Variants in NEFL observed in about 807,000 individuals in gnomAD.
NEFL encodes neurofilament light polypeptide.
In NEFL, 36 loss-of-function variants were observed where a neutral mutation model predicts 51.6. That is an observed-to-expected ratio of 0.70 (90% CI 0.53 to 0.92). The LOEUF (loss-of-function observed/expected upper bound fraction) is 0.92. NEFL is among the 40% of genes least tolerant of loss of function. The pLI is 0.00. For missense variants in NEFL, 671 were observed against 722.0 expected, an observed-to-expected ratio of 0.93 and a Z score of 0.81; for synonymous variants, 332 against 302.5, an observed-to-expected ratio of 1.10 and a Z score of -1.01.
In NEFL at chr8:24,951,420, G is replaced by A. The variant is rs1012901963; in HGVS notation, c.*1390C>T. On this transcript the variant is annotated 3_prime_UTR_variant, in exon 4 of 4. Coordinates refer to ENST00000610854, the MANE Select transcript of NEFL (RefSeq NM_006158.5). The stretch of plus-strand genomic sequence containing the variant: ...ATTGTTTCAGAACAAAGGCAGAATA[G>A]CAGATAGTAATATCATCTATATTTA... The A allele has an allele frequency of 6.6e-6, 1 of 152,162 alleles. No homozygotes were observed. Among genetic ancestry groups the A allele is most frequent in the African/African-American group, 2.4e-5 (1 of 41,428 alleles). The allele number at this position is 152,162 out of a possible 1,614,324, so 9.4% of individuals were successfully genotyped here. A position where few individuals can be genotyped will look rare whatever the true frequency, so the allele number is the denominator to read the frequency against.
Position 24,952,730 on chromosome 8 carries a change from C to G in NEFL, c.*80G>C. ...TTTTTAATTCACATAGAATCTGGAA[C>G]TCAACTGGTTGGTTGGTTGGTGATG... On this transcript the variant is annotated 3_prime_UTR_variant, in exon 4 of 4. Coordinates refer to ENST00000610854, the MANE Select transcript of NEFL (RefSeq NM_006158.5). 1 of 1,603,922 alleles carries G rather than the reference C, an allele frequency of 6.2e-7. No individual in the cohort carries two copies. Among genetic ancestry groups the G allele is most frequent in the Non-Finnish European group, 8.5e-7 (1 of 1,174,720 alleles).
Position 24,954,214 on chromosome 8 carries a change from T to C in NEFL, c.1136A>G (p.Lys379Arg). The C allele has an allele frequency of 6.2e-7, 1 of 1,613,992 alleles. No homozygotes were observed. Among genetic ancestry groups the C allele is most frequent in the Non-Finnish European group, 8.5e-7 (1 of 1,179,880 alleles). ...LKEYQDLLNV[K>R]MALDIEIAAY... ...TGCAATCTCAATATCCAAAGCCATC[T>C]TCACGTTGAGGAGGTCTTGGTATTC... Residue 379 changes from lysine to arginine, a missense_variant, in exon 2 of 4, where the codon AAG becomes AGG. By Grantham distance (26) the Lys-to-Arg change is conservative. Coordinates refer to ENST00000610854, the MANE Select transcript of NEFL (RefSeq NM_006158.5).
chr8:24,953,538 G>C lies in NEFL; in HGVS notation c.1427C>G (p.Ala476Gly). Residue 476 changes from alanine (A) to glycine (G), a missense_variant, in exon 3 of 4, where the codon GCC becomes GGC. Physicochemically the swap from Ala to Gly is moderately conservative, Grantham distance 60. Transcript: ENST00000610854. Reference sequence around the variant, plus strand: ...TTCCTTGTCCTTCTCCTCCTCCTCGGCTTCTCCTTCAGAGGGGGGCTCATC... The same window carrying C: ...TTCCTTGTCCTTCTCCTCCTCCTCGCCTTCTCCTTCAGAGGGGGGCTCATC... ...AKDEPPSEGE[A>G]EEEEKDKEEA... The C allele has an allele frequency of 6.2e-7, 1 of 1,612,784 alleles. No homozygotes were observed. Among genetic ancestry groups the C allele is most frequent in the South Asian group, 1.1e-5 (1 of 90,918 alleles).
chr8:24,954,340 C>G, intron 1 of NEFL, 35 bp from the exon 2 acceptor site: 1 of 1,603,096 alleles, frequency 6.2e-7, no homozygotes, highest in Non-Finnish European at 8.5e-7. Flanking sequence ...AAAAAAAAAT[C>G]CGAGCATAAA....
intron 3 of NEFL, 58 bp from the exon 4 acceptor site, chr8:24,953,010 A>G: frequency 6.5e-7 from 1 of 1,532,176 alleles, no homozygotes; most frequent in South Asian, 1.3e-5. Context: ...CAGTCAAAAC[A>G]TGTCTGCAAA....
At position 24,952,485 on chromosome 8, in the gene NEFL, C is replaced by A; in HGVS notation, c.*325G>T. Reference sequence around the variant, plus strand: ...ATTTTTCCATGAAGTTTAACATTAACATTAGTGAATTCATTTACTCATGTG... The same window carrying A: ...ATTTTTCCATGAAGTTTAACATTAAAATTAGTGAATTCATTTACTCATGTG... On this transcript the variant is annotated 3_prime_UTR_variant, in exon 4 of 4. Coordinates refer to ENST00000610854, the MANE Select transcript of NEFL (RefSeq NM_006158.5). 1 of 247,470 alleles carries A rather than the reference C, an allele frequency of 4.0e-6. No individual in the cohort carries two copies. The highest frequency in any genetic ancestry group is 7.7e-6 in the Non-Finnish European group (1 of 129,962). 15.3% of individuals were successfully genotyped at this position (247,470 alleles called of 1,614,324 possible).
Position 24,954,166 on chromosome 8 carries a change from C to G in NEFL, c.1169+15G>C. On this transcript the variant is annotated intron_variant, in intron 2 of 3. Coordinates refer to ENST00000610854, the MANE Select transcript of NEFL (RefSeq NM_006158.5). ...TAAGGTTTAATGGCTGCTGTCTTTGCCCCTCTATTTTCACCTGTAAGCTGC... is the reference window on the plus strand; with the variant it reads ...TAAGGTTTAATGGCTGCTGTCTTTGGCCCTCTATTTTCACCTGTAAGCTGC... 1 of 1,613,600 alleles carries G rather than the reference C, an allele frequency of 6.2e-7. No homozygotes were observed. The highest frequency in any genetic ancestry group is 8.5e-7 in the Non-Finnish European group (1 of 1,179,784).
Position 24,955,816 on chromosome 8 carries a change from G to T in NEFL, c.700C>A (p.Leu234Met). Residue 234 changes from leucine (L) to methionine (M), a missense_variant, in exon 1 of 4, where the codon CTG becomes ATG. Physicochemically the swap from Leu to Met is conservative, Grantham distance 15. Transcript: ENST00000610854. This position sits in a 1 kb window ranked among gnomAD's most constrained non-coding sequence, Gnocchi z 4.0. ...KKVHEEEIAE[L>M]QAQIQYAQIS... The stretch of plus-strand genomic sequence containing the variant: ...TGCGCGTACTGGATCTGCGCCTGCA[G>T]TTCGGCGATCTCCTCTTCGTGCACT... The T allele has an allele frequency of 6.2e-7, 1 of 1,612,110 alleles. No homozygotes were observed. Among genetic ancestry groups the T allele is most frequent in the Non-Finnish European group, 8.5e-7 (1 of 1,179,882 alleles).
intron 1 of NEFL, among the ~76,000 whole-genome samples, chr8:24,954,520 C>T (rs1014097493): frequency 2.0e-5 from 3 of 152,006 alleles, no homozygotes; most frequent in South Asian, 2.1e-4. Flanking sequence ...AAAAGATGGA[C>T]GAAAATTCTG....
At position 24,952,790 on chromosome 8, in the gene NEFL, AT is replaced by A; in HGVS notation, c.*19del. On this transcript the variant is annotated 3_prime_UTR_variant, in exon 4 of 4. Coordinates refer to ENST00000610854, the MANE Select transcript of NEFL (RefSeq NM_006158.5). ...TGATTTCGGGAGAATTATTCCTGAA[AT>A]AATTAAGGAAATGGGGGTTCAATCT... 1 of 1,613,920 alleles carries A rather than the reference AT, an allele frequency of 6.2e-7. No homozygotes were observed. The highest frequency in any genetic ancestry group is 8.5e-7 in the Non-Finnish European group (1 of 1,179,886).
In NEFL at chr8:24,955,080, G is replaced by C. The variant is rs998549410; in HGVS notation, c.1044+392C>G. ...TCACAGTAATCCTTCAGAATTAATT[G>C]AGAGTTGTTCACTCTACTATTTATT... On this transcript the variant is annotated intron_variant, in intron 1 of 3. Coordinates refer to ENST00000610854, the MANE Select transcript of NEFL (RefSeq NM_006158.5). The surrounding 1 kb of genome is among the most constrained non-coding windows in gnomAD (Gnocchi z 4.0). 2 of 202,494 alleles carry C rather than the reference G, an allele frequency of 9.9e-6. No individual in the cohort carries two copies. The highest frequency in any genetic ancestry group is 2.0e-5 in the Non-Finnish European group (2 of 99,364). The allele number at this position is 202,494 out of a possible 1,614,324, so 12.5% of individuals were successfully genotyped here. A position where few individuals can be genotyped will look rare whatever the true frequency, so the allele number is the denominator to read the frequency against.
In NEFL at chr8:24,956,202, A is replaced by G. The variant is rs1172595349; in HGVS notation, c.314T>C (p.Ile105Thr). 6.2e-7 allele frequency: 1 copy of G among 1,611,000 alleles called. No individual in the cohort carries two copies. The change falls in exon 1 of 4, where the codon ATC becomes ACC. Residue 105 changes from isoleucine (I) to threonine (T), a missense_variant. Transcript: ENST00000610854. The surrounding 1 kb of genome is among the most constrained non-coding windows in gnomAD (Gnocchi z 5.9). ...CTGCTCCAGCTCGTGCACGCGCTCGATGAAGCTGGCGAAGCGGTCATTGAG... is the reference window on the plus strand; with the variant it reads ...CTGCTCCAGCTCGTGCACGCGCTCGGTGAAGCTGGCGAAGCGGTCATTGAG... Reference protein sequence around the residue: ...QDLNDRFASFIERVHELEQQN... With the variant: ...QDLNDRFASFTERVHELEQQN...
rs774761874 is a variant in NEFL, at chr8:24,953,638, A to T, written c.1327T>A (p.Tyr443Asn). 2.1e-5 allele frequency: 34 copies of T among 1,613,806 alleles called. No homozygotes were observed. In the East Asian group the frequency reaches 7.6e-4, roughly 36 times the overall value. Reference sequence around the variant, plus strand: ...TGCTCCTCTTGGACATGGCTGGTGTAGTAGGACGGGAAGGAGCGGGTGGAC... The same window carrying T: ...TGCTCCTCTTGGACATGGCTGGTGTTGTAGGACGGGAAGGAGCGGGTGGAC... ...LMSTRSFPSY[Y>N]TSHVQEEQIE... is the part of the protein sequence containing the mutation. Residue 443 changes from tyrosine to asparagine, a missense_variant, in exon 3 of 4, where the codon TAC (tyrosine) becomes AAC (asparagine). Transcript: ENST00000610854.
chr8:24,951,243 C>T lies in NEFL; in HGVS notation c.*1567G>A, dbSNP rs1802963509. On this transcript the variant is annotated 3_prime_UTR_variant, in exon 4 of 4. Coordinates refer to ENST00000610854, the MANE Select transcript of NEFL (RefSeq NM_006158.5). ...CCATCATGGCAAGGAAGCACTTTAC[C>T]TATTTGCATAGCAACATATATTTAA... 1.3e-5 allele frequency: 2 copies of T among 152,292 alleles called. No individual in the cohort carries two copies. The highest frequency in any genetic ancestry group is 1.9e-4 in the East Asian group (1 of 5,178). 9.4% of individuals were successfully genotyped at this position (152,292 alleles called of 1,614,324 possible).
rs1563251872 is a variant in NEFL at position 24,955,698 on chromosome 8, A to G, written c.818T>C (p.Met273Thr). The G allele has an allele frequency of 6.2e-7, 1 of 1,613,616 alleles. No individual in the cohort carries two copies. The highest frequency in any genetic ancestry group is 8.5e-7 in the Non-Finnish European group (1 of 1,179,814). ...AQYEKLAAKN[M>T]QNAEEWFKSR... Reference sequence around the variant, plus strand: ...CTTGAACCATTCCTCAGCGTTCTGCATGTTCTTGGCGGCCAGCTTCTCGTA... The same window carrying G: ...CTTGAACCATTCCTCAGCGTTCTGCGTGTTCTTGGCGGCCAGCTTCTCGTA... The change falls in exon 1 of 4, where the codon ATG becomes ACG. Residue 273 changes from methionine to threonine, a missense_variant. Physicochemically the swap from Met to Thr is moderately conservative, Grantham distance 81. Transcript: ENST00000610854. The surrounding 1 kb of genome is among the most constrained non-coding windows in gnomAD (Gnocchi z 4.0).
Position 24,951,427 on chromosome 8 carries a change from G to A in NEFL, c.*1383C>T, listed in dbSNP as rs1172304666. 2.0e-5 allele frequency: 3 copies of A among 152,212 alleles called. No homozygotes were observed. Among genetic ancestry groups the A allele is most frequent in the Non-Finnish European group, 4.4e-5 (3 of 68,032 alleles). The allele number at this position is 152,212 out of a possible 1,614,324, so 9.4% of individuals were successfully genotyped here. On this transcript the variant is annotated 3_prime_UTR_variant, in exon 4 of 4. Transcript: ENST00000610854. ...CAGAACAAAGGCAGAATAGCAGATA[G>A]TAATATCATCTATATTTATTCCACA...
In NEFL at chr8:24,952,930, T is replaced by A. The variant is rs2117250817; in HGVS notation, c.1512A>T (p.Glu504Asp). 2 of 1,612,140 alleles carry A rather than the reference T, an allele frequency of 1.2e-6. No individual in the cohort carries two copies. Among genetic ancestry groups the A allele is most frequent in the Non-Finnish European group, 1.7e-6 (2 of 1,179,158 alleles). ...EEEAAKEESE[E>D]AKEEEEGGEG... ...CACCTCCTTCTTCTTCTTCTTTTGC[T>A]TCTTCAGACTCTTCCTTGGCAGCTT... The change falls in exon 4 of 4, where the codon GAA becomes GAT. Residue 504 changes from glutamate (E) to aspartate (D), a missense_variant. Physicochemically the swap from Glu to Asp is conservative, Grantham distance 45 (BLOSUM62 2). Transcript: ENST00000610854.
At position 24,955,996 on chromosome 8, in the gene NEFL, G is replaced by C. The variant is rs1180143355; in HGVS notation, c.520C>G (p.Leu174Val). ...REGLEETLRN[L>V]QARYEEEVLS... ...ACCTCCTCTTCATAGCGCGCCTGCA[G>C]GTTGCGCAGGGTCTCCTCCAGCCCT... Residue 174 changes from leucine to valine, a missense_variant, in exon 1 of 4, where the codon CTG (leucine) becomes GTG (valine). Leu to Val is a conservative substitution (Grantham distance 32). Transcript: ENST00000610854. This position sits in a 1 kb window ranked among gnomAD's most constrained non-coding sequence, Gnocchi z 4.0. 22 of 1,604,088 alleles carry C rather than the reference G, an allele frequency of 1.4e-5. No homozygotes were observed. The highest frequency in any genetic ancestry group is 1.9e-5 in the Non-Finnish European group (22 of 1,179,154).
rs754798834 is a variant in NEFL at position 24,953,688 on chromosome 8, C to G, written c.1277G>C (p.Gly426Ala). 5 of 1,614,000 alleles carry G rather than the reference C, an allele frequency of 3.1e-6. No individual in the cohort carries two copies. In the South Asian group the frequency reaches 5.5e-5, roughly 18 times the overall value. Residue 426 changes from glycine to alanine, a missense_variant, in exon 3 of 4, where the codon GGT becomes GCT. Transcript: ENST00000610854. ...CATCAGATAGGAGCTGGTCTGTAAA[C>G]CGCCGTAGGCAGATCGGCCAAAGAC... ...SQVFGRSAYG[G>A]LQTSSYLMST...
Sources: gnomAD v4.1 joint callset for allele counts (sites outside exome capture counted in the v4.1 genomes callset) on GRCh38, gnomAD v4.1.1 for gene constraint, Gnocchi (gnomAD v3.1) non-coding constraint, MANE v1.5 for transcripts, NCBI Gene and HGNC (gene_info 2026-07-23, HGNC 2026-07-21) for gene names.